The following ADAMTSL1 variants were observed in gnomAD, a reference collection of about 807,000 sequenced individuals.
The protein encoded by ADAMTSL1 is ADAMTS like 1, also known as ADAMTS-like protein 1.
A neutral mutation model predicts 201.8 loss-of-function variants in ADAMTSL1; 126 were observed. The observed-to-expected ratio is 0.62, with a 90% CI of 0.54 to 0.72. The LOEUF (loss-of-function observed/expected upper bound fraction) is 0.72, where lower values mean the gene tolerates loss of function less well. Ranked by LOEUF, ADAMTSL1 falls within the 30% of genes least tolerant of loss-of-function variation. The pLI is 0.00. For synonymous variants in ADAMTSL1, 1,121 were observed against 903.4 expected, an observed-to-expected ratio of 1.24 and a Z score of -4.32; for missense variants, 2,679 against 2,277.8, an observed-to-expected ratio of 1.18 and a Z score of -3.59.
At chr9:18,804,678 C>T (rs1207481206) in intron 20 of ADAMTSL1, among the ~76,000 whole-genome samples, 1 of 152,100 alleles carries the variant, frequency 6.6e-6, no homozygotes, top group Non-Finnish European at 1.5e-5. Context: ...TTTCCTAGCT[C>T]ATGCTGATTT....
chr9:18,390,200 C>A (rs906536189), intron 2 of ADAMTSL1, among the ~76,000 whole-genome samples: 5 of 151,942 alleles, frequency 3.3e-5, no homozygotes, highest in African/African-American at 4.8e-5. Flanking sequence ...GAGTTACTTA[C>A]GAGATTCGTA....
intron 5 of ADAMTSL1, chr9:18,622,693 T>C: frequency 2.0e-6 from 1 of 493,104 alleles, no homozygotes; most frequent in South Asian, 3.8e-5. Context: ...GCGTGATGTG[T>C]AGTGTGCTAT....
rs141334032 is a variant in ADAMTSL1, at chr9:18,231,533, C to T, written c.207+67552C>T. Among the ~76,000 whole-genome samples the T allele has an allele frequency of 4.2e-3, 637 of 152,266 alleles. 2 individuals carry two copies. Among genetic ancestry groups the T allele is most frequent in the Middle Eastern group, 0.027 (8 of 294 alleles). ...GTTTCCTTTGCCTGTTCCTCCTCAT[C>T]TCCAGGGCTCACAACTTGAATTGTT... On this transcript the variant is annotated intron_variant, in intron 2 of 29. Coordinates refer to the ADAMTSL1 transcript ENST00000680146.
chr9:18,214,203 A>T (rs1422175760), intron 2 of ADAMTSL1, among the ~76,000 whole-genome samples: 1 of 152,148 alleles, frequency 6.6e-6, no homozygotes, highest in East Asian at 1.9e-4. Flanking sequence ...TCCATCAATA[A>T]ACCCAGAATT....
At chr9:18,506,493 C>T (rs753127391) in intron 2 of ADAMTSL1, among the ~76,000 whole-genome samples, 1 of 152,124 alleles carries the variant, frequency 6.6e-6, no homozygotes, top group Admixed American at 6.6e-5. Context: ...GAGGTAGGAT[C>T]TTTTACTGAG....
intron 2 of ADAMTSL1, among the ~76,000 whole-genome samples, chr9:18,165,053 T>C (rs537608953): frequency 2.0e-5 from 3 of 152,046 alleles, no homozygotes; most frequent in South Asian, 2.1e-4. Context: ...GGTTTTTTTT[T>C]CTCAGTAAGC....
intron 2 of ADAMTSL1, among the ~76,000 whole-genome samples, chr9:18,330,082 TC>T (rs1416559883): frequency 1.3e-5 from 2 of 152,152 alleles, no homozygotes; most frequent in Non-Finnish European, 2.9e-5. Flanking sequence ...TCAATAAAGT[TC>T]CCGATTTTAA....
chr9:18,654,260 T>G (rs531489082), intron 7 of ADAMTSL1, among the ~76,000 whole-genome samples: 1 of 152,338 alleles, frequency 6.6e-6, no homozygotes, highest in East Asian at 1.9e-4. Flanking sequence ...AACATTGTTT[T>G]GTAATAATAT....
intron 21 of ADAMTSL1, among the ~76,000 whole-genome samples, chr9:18,824,741 A>G (rs1824430397): frequency 9.0e-6 from 1 of 111,538 alleles, no homozygotes; most frequent in Non-Finnish European, 1.6e-5. Context: ...TCTGTCACCC[A>G]GGCTGGAGTG....
chr9:18,572,589 A>G (rs1822402108), intron 3 of ADAMTSL1, among the ~76,000 whole-genome samples: 1 of 152,024 alleles, frequency 6.6e-6, no homozygotes, highest in Admixed American at 6.6e-5. Flanking sequence ...TTGTATTTTG[A>G]ACAATTTCAT....
chr9:18,274,683 C>T (rs1240125058), intron 2 of ADAMTSL1, among the ~76,000 whole-genome samples: 1 of 152,100 alleles, frequency 6.6e-6, no homozygotes, highest in Admixed American at 6.5e-5. Context: ...GCATGATTTT[C>T]AACCACTTTT....
intron 1 of ADAMTSL1, among the ~76,000 whole-genome samples, chr9:17,988,898 G>C (rs1348257569): frequency 6.6e-6 from 1 of 151,618 alleles, no homozygotes; most frequent in Non-Finnish European, 1.5e-5. Flanking sequence ...GCCCCCTAAG[G>C]AGCTTATTTT....
intron 14 of ADAMTSL1, among the ~76,000 whole-genome samples, chr9:18,719,840 A>G (rs982159424): frequency 2.6e-5 from 4 of 152,196 alleles, no homozygotes; most frequent in Non-Finnish European, 4.4e-5. Context: ...TTGGAGAAAC[A>G]CAGCATACGT....
chr9:18,705,004 G>C (rs919965066), intron 13 of ADAMTSL1, among the ~76,000 whole-genome samples: 16 of 152,216 alleles, frequency 1.1e-4, no homozygotes, highest in African/African-American at 3.1e-4. Context: ...AGAGCACTGA[G>C]TGCTGCTTTG....
chr9:18,049,176 C>T (rs145942080), intron 1 of ADAMTSL1, among the ~76,000 whole-genome samples: 2 of 152,296 alleles, frequency 1.3e-5, no homozygotes, highest in East Asian at 3.9e-4. Context: ...TTCATTACAT[C>T]TACAAAGACC....
chr9:18,067,601 G>A (rs1423371828), intron 1 of ADAMTSL1, among the ~76,000 whole-genome samples: 1 of 152,114 alleles, frequency 6.6e-6, no homozygotes, highest in Non-Finnish European at 1.5e-5. Context: ...GTTTTCTTGA[G>A]GCCATTACCT....
intron 4 of ADAMTSL1, among the ~76,000 whole-genome samples, chr9:18,618,827 A>AT (rs919287586): frequency 3.9e-5 from 6 of 152,112 alleles, no homozygotes; most frequent in Admixed American, 3.3e-4. Context: ...AGTAATTATG[A>AT]TTTTTTCTCA....
At chr9:18,437,208 A>G (rs1253971512) in intron 2 of ADAMTSL1, among the ~76,000 whole-genome samples, 2 of 151,452 alleles carry the variant, frequency 1.3e-5, no homozygotes, top group Admixed American at 1.3e-4. Flanking sequence ...TCATTTCCCA[A>G]CTTCCTCAAT....
At chr9:18,045,402 A>C (rs1484618194) in intron 1 of ADAMTSL1, among the ~76,000 whole-genome samples, 3 of 152,154 alleles carry the variant, frequency 2.0e-5, no homozygotes, top group Non-Finnish European at 4.4e-5. Flanking sequence ...GTCTTAACAC[A>C]AAGAAAGTGA....
Sources: gnomAD v4.1 joint callset for allele counts (sites outside exome capture counted in the v4.1 genomes callset) on GRCh38, gnomAD v4.1.1 for gene constraint, MANE v1.5 for transcripts, NCBI Gene and HGNC (gene_info 2026-07-23, HGNC 2026-07-21) for gene names.